Variants in GRIN1 observed in about 807,000 individuals in gnomAD.
GRIN1 encodes glutamate receptor ionotropic, NMDA 1.
In GRIN1, 38 loss-of-function variants were observed where a neutral mutation model predicts 103.0. The ratio of observed to expected loss-of-function variants is 0.37; its 90% CI spans 0.28 to 0.48. The LOEUF (loss-of-function observed/expected upper bound fraction) is 0.48, where lower values mean the gene tolerates loss of function less well. GRIN1 is among the 20% of genes least tolerant of loss of function. The pLI is 0.98. For missense variants in GRIN1, 577 were observed against 1,288.9 expected, an observed-to-expected ratio of 0.45 and a Z score of 8.46; for synonymous variants, 544 against 532.7, an observed-to-expected ratio of 1.02 and a Z score of -0.29.
At position 137,168,056 on chromosome 9, in the gene GRIN1, G is replaced by T. The variant is rs1833972961; in HGVS notation, c.*529G>T. Reference sequence around the variant, plus strand: ...CTGAGGACGGGGCAGAGCTGAGTCGGCTGGGCAGGGCCGCAGGGCGCTCCG... The same window carrying T: ...CTGAGGACGGGGCAGAGCTGAGTCGTCTGGGCAGGGCCGCAGGGCGCTCCG... On this transcript the variant is annotated 3_prime_UTR_variant, in exon 20 of 20. Transcript: ENST00000371561. 3 of 606,800 alleles carry T rather than the reference G, an allele frequency of 4.9e-6. No individual in the cohort carries two copies. In the South Asian group the frequency reaches 5.9e-5, roughly 12 times the overall value. 37.6% of individuals were successfully genotyped at this position (606,800 alleles called of 1,614,324 possible).
intron 4 of GRIN1, among the ~76,000 whole-genome samples, chr9:137,151,134 G>C (rs1832871149): frequency 9.3e-6 from 1 of 107,912 alleles, no homozygotes; most frequent in Admixed American, 1.1e-4. Context: ...CCCGGGGAAA[G>C]CCCTGCCCAG....
intron 4 of GRIN1, among the ~76,000 whole-genome samples, chr9:137,150,960 C>T (rs1467208371): frequency 1.4e-5 from 2 of 146,030 alleles, no homozygotes; most frequent in Non-Finnish European, 1.5e-5. Flanking sequence ...AAAAGACCCG[C>T]CCAGGGAAAG....
rs773835611 is a variant in GRIN1, at chr9:137,162,769, T to TGCGAGGTGA, written c.2013+33_2013+41dup. The TGCGAGGTGA allele has an allele frequency of 4.0e-5, 64 of 1,601,298 alleles. No individual in the cohort carries two copies. In the African/African-American group the frequency reaches 6.7e-4, roughly 17 times the overall value. ...GGCCTGGCCGGGCTGGGGGAGGGAA[T>TGCGAGGTGA]GCGAGGTGAGCTGGGGTCGGCCTCG... On this transcript the variant is annotated intron_variant, in intron 14 of 19. Coordinates refer to ENST00000371561, the MANE Select transcript of GRIN1 (RefSeq NM_007327.4).
Position 137,163,898 on chromosome 9 carries a change from C to A in GRIN1, c.2583C>A (p.Asn861Lys). Residue 861 changes from asparagine to lysine, a missense_variant, in exon 18 of 20, where the codon AAC becomes AAA. Asn to Lys is a moderately conservative substitution (Grantham distance 94, BLOSUM62 0). Around this residue, in one of 9 missense-constraint regions of GRIN1, gnomAD observed 68 missense variants for 113.0 expected, o/e 0.60. Transcript: ENST00000371561. Reference sequence around the variant, plus strand: ...CCGCCGTTAACGTGTGGCGGAAGAACCTGCAGGTAGGGCAGGCCACCCTCC... The same window carrying A: ...CCGCCGTTAACGTGTGGCGGAAGAAACTGCAGGTAGGGCAGGCCACCCTCC... ...AFAAVNVWRK[N>K]LQDRKSGRAE... is the part of the protein sequence containing the mutation. 6.2e-7 allele frequency: 1 copy of A among 1,612,710 alleles called. No homozygotes were observed. Among genetic ancestry groups the A allele is most frequent in the Non-Finnish European group, 8.5e-7 (1 of 1,179,840 alleles).
In GRIN1 at chr9:137,167,796, C is replaced by T. The variant is rs1438597529; in HGVS notation, c.*269C>T. ...CAGCAGTACCATCCCACTGATATCA[C>T]GGGCCCGCTCAACCTCTCAGATCCC... On this transcript the variant is annotated 3_prime_UTR_variant, in exon 20 of 20. Coordinates refer to ENST00000371561, the MANE Select transcript of GRIN1 (RefSeq NM_007327.4). The T allele has an allele frequency of 1.2e-6, 2 of 1,612,192 alleles. No individual in the cohort carries two copies. Among genetic ancestry groups the T allele is most frequent in the South Asian group, 2.2e-5 (2 of 91,088 alleles).
chr9:137,164,304 A>AC lies in GRIN1; in HGVS notation c.2589+408dup, dbSNP rs575292948. The stretch of plus-strand genomic sequence containing the variant: ...CCAAGCCCCTTGACACCCTTCGGAG[A>AC]CCCCCCCCTTTCCTGCTATGTCCTT... On this transcript the variant is annotated intron_variant, in intron 18 of 19. Coordinates refer to ENST00000371561, the MANE Select transcript of GRIN1 (RefSeq NM_007327.4). 2.0e-3 allele frequency: 534 copies of AC among 271,088 alleles called. 4 individuals are homozygous for AC. Among genetic ancestry groups the AC allele is most frequent in the South Asian group, 9.3e-3 (251 of 26,872 alleles). The allele number at this position is 271,088 out of a possible 1,614,324, so 16.8% of individuals were successfully genotyped here. A position where few individuals can be genotyped will look rare whatever the true frequency, so the allele number is the denominator to read the frequency against.
At position 137,161,238 on chromosome 9, in the gene GRIN1, C is replaced by T. The variant is rs539936679; in HGVS notation, c.1339+41C>T. The stretch of plus-strand genomic sequence containing the variant: ...AGGGCGCGGGGCGCGGGGCAGGGCG[C>T]GGGGCGTGGGGCGGTCTGGAGCCCA... On this transcript the variant is annotated intron_variant, in intron 9 of 19. Coordinates refer to ENST00000371561, the MANE Select transcript of GRIN1 (RefSeq NM_007327.4). 3.1e-6 allele frequency: 5 copies of T among 1,609,010 alleles called. No homozygotes were observed. In the East Asian group the frequency reaches 8.9e-5, roughly 29 times the overall value.
intron 6 of GRIN1, 94 bp downstream of exon 6, chr9:137,157,131 G>A (rs1348050351): frequency 2.7e-6 from 3 of 1,121,474 alleles, no homozygotes; most frequent in East Asian, 2.7e-5. Context: ...TGGGGAGGTG[G>A]GCGGGGCCAC....
Position 137,167,982 on chromosome 9 carries a change from C to G in GRIN1, c.*455C>G, listed in dbSNP as rs906572435. On this transcript the variant is annotated 3_prime_UTR_variant, in exon 20 of 20. Coordinates refer to ENST00000371561, the MANE Select transcript of GRIN1 (RefSeq NM_007327.4). ...CTCCCGTCCGTCCGCCCGCCCACCC[C>G]GCTGCCTGGCGGGCAGCCCCTGCTG... The G allele has an allele frequency of 1.3e-6, 1 of 778,634 alleles. No homozygotes were observed. Among genetic ancestry groups the G allele is most frequent in the Admixed American group, 2.0e-5 (1 of 49,376 alleles). 48.2% of individuals were successfully genotyped at this position (778,634 alleles called of 1,614,324 possible).
intron 15 of GRIN1, 77 bp downstream of exon 15, chr9:137,163,080 G>C (rs960801661): frequency 3.2e-6 from 5 of 1,570,336 alleles, no homozygotes; most frequent in South Asian, 1.1e-5. Context: ...GGGCAGGAGA[G>C]CGTCCGGGCC....
At chr9:137,141,740 C>T (rs1423016235) in intron 1 of GRIN1, among the ~76,000 whole-genome samples, 3 of 152,166 alleles carry the variant, frequency 2.0e-5, no homozygotes, top group Non-Finnish European at 4.4e-5. Context: ...CAGGACATCC[C>T]AAGGGCAGTC....
In GRIN1 at chr9:137,145,748, G is replaced by A. The variant is rs747555101; in HGVS notation, c.416G>A (p.Arg139His). 20 of 1,613,202 alleles carry A rather than the reference G, an allele frequency of 1.2e-5. No individual in the cohort carries two copies. The highest frequency in any genetic ancestry group is 6.7e-5 in the Admixed American group (4 of 59,966). Residue 139 changes from arginine (R) to histidine (H), a missense_variant, in exon 3 of 20, where the codon CGC becomes CAC. Transcript: ENST00000371561. The stretch of plus-strand genomic sequence containing the variant: ...CAGAGCATCCACCTGAGCTTCCTGC[G>A]CACCGTGCCGCCCTACTCCCACCAG... ...SDKSIHLSFL[R>H]TVPPYSHQSS...
At chr9:137,159,713 A>G (rs771126290) in intron 8 of GRIN1, among the ~76,000 whole-genome samples, 2 of 152,274 alleles carry the variant, frequency 1.3e-5, no homozygotes, top group Admixed American at 1.3e-4. Flanking sequence ...TATTACCTGT[A>G]TAACAGGAAA....
intron 4 of GRIN1, among the ~76,000 whole-genome samples, chr9:137,154,091 C>T (rs1833074251): frequency 6.7e-6 from 1 of 149,414 alleles, no homozygotes; most frequent in Non-Finnish European, 1.5e-5. Flanking sequence ...GCATTACAGG[C>T]ATGAGCCACC....
Position 137,139,173 on chromosome 9 carries a change from G to T in GRIN1, c.-314G>T. 2 of 155,736 alleles carry T rather than the reference G, an allele frequency of 1.3e-5. No homozygotes were observed. The highest frequency in any genetic ancestry group is 3.6e-4 in the South Asian group (2 of 5,582). 9.6% of individuals were successfully genotyped at this position (155,736 alleles called of 1,614,324 possible). A position where few individuals can be genotyped will look rare whatever the true frequency, so the allele number is the denominator to read the frequency against. Reference sequence around the variant, plus strand: ...GCTGCTGCAGTCGCCGCAGCGTCCGGACCGGAACCAGCGCCGTCCGCGGAG... The same window carrying T: ...GCTGCTGCAGTCGCCGCAGCGTCCGTACCGGAACCAGCGCCGTCCGCGGAG... On this transcript the variant is annotated 5_prime_UTR_variant, in exon 1 of 20. Transcript: ENST00000371561. The surrounding 1 kb of genome is among the most constrained non-coding windows in gnomAD (Gnocchi z 7.7).
At chr9:137,144,520 TG>T (rs1832371107) in intron 2 of GRIN1, among the ~76,000 whole-genome samples, 1 of 151,818 alleles carries the variant, frequency 6.6e-6, no homozygotes, top group South Asian at 2.1e-4. Context: ...CCGGGCGTGG[TG>T]GCGGGCGCCT....
chr9:137,167,290 C>G, intron 19 of GRIN1, 121 bp from the exon 20 acceptor site: 1 of 776,178 alleles, frequency 1.3e-6, no homozygotes, highest in Non-Finnish European at 2.2e-6. Context: ...AGTCCGGCTG[C>G]GGAGATCCCC....
At chr9:137,147,831 G>A (rs1832633843) in intron 3 of GRIN1, among the ~76,000 whole-genome samples, 1 of 152,254 alleles carries the variant, frequency 6.6e-6, no homozygotes, top group African/African-American at 2.4e-5. Flanking sequence ...CACAGCAGGT[G>A]CACGGCAGGG....
chr9:137,151,970 G>C (rs1401521439), intron 4 of GRIN1, among the ~76,000 whole-genome samples: 2 of 130,738 alleles, frequency 1.5e-5, no homozygotes, highest in Admixed American at 1.8e-4. Context: ...GCAGTGGCTC[G>C]ATCTCGGCTC....
Sources: gnomAD v4.1 joint callset for allele counts (sites outside exome capture counted in the v4.1 genomes callset) on GRCh38, gnomAD v4.1.1 for gene constraint, gnomAD v4.1.1 regional missense constraint, Gnocchi (gnomAD v3.1) non-coding constraint, MANE v1.5 for transcripts, NCBI Gene and HGNC (gene_info 2026-07-23, HGNC 2026-07-21) for gene names.